DEPTOR: variants seen among roughly 807,000 people sequenced by gnomAD.
DEPTOR encodes the protein DEP domain containing MTOR interacting protein.
Under a neutral mutation model 41.6 loss-of-function variants are expected in DEPTOR, and 41 were observed. That is an observed-to-expected ratio of 0.98 (90% CI 0.77 to 1.28). DEPTOR has a LOEUF of 1.28. Among genes scored for constraint, DEPTOR ranks in the 50% most tolerant of loss-of-function variants. The probability of loss-of-function intolerance (pLI) is 0.00; values close to 1 mark genes in which losing one functional copy is unlikely to be tolerated. For missense variants in DEPTOR, 514 were observed against 527.9 expected (o/e 0.97, Z 0.26); for synonymous variants, 195 against 192.3 (o/e 1.01, Z -0.12).
At chr8:120,015,743 C>T (rs1208024390) in intron 8 of DEPTOR, among the ~76,000 whole-genome samples, 1 of 152,132 alleles carries the variant, frequency 6.6e-6, no homozygotes, top group African/African-American at 2.4e-5. Flanking sequence ...ACCCCAGGTG[C>T]CATGGATACC....
At chr8:119,906,982 T>C (rs1827671761) in intron 1 of DEPTOR, among the ~76,000 whole-genome samples, 1 of 152,160 alleles carries the variant, frequency 6.6e-6, no homozygotes, top group Non-Finnish European at 1.5e-5. Flanking sequence ...GAAAGGACTG[T>C]CAACATGGTA....
chr8:120,049,360 T>C (rs1011578562), intron 8 of DEPTOR, among the ~76,000 whole-genome samples: 2 of 151,286 alleles, frequency 1.3e-5, no homozygotes, highest in African/African-American at 2.5e-5. Context: ...AAGCCAAATT[T>C]TGTAAAACAC....
intron 1 of DEPTOR, among the ~76,000 whole-genome samples, chr8:119,918,953 GTGTGTGTGTGTGTA>G (rs1827854823): frequency 7.2e-6 from 1 of 139,778 alleles, no homozygotes. Context: ...GTGTGTGTGT[GTGTGTGTGTGTGTA>G]TGTGTATGTG....
At chr8:120,033,174 G>A (rs1361841387) in intron 8 of DEPTOR, among the ~76,000 whole-genome samples, 2 of 144,096 alleles carry the variant, frequency 1.4e-5, no homozygotes, top group African/African-American at 5.2e-5. Context: ...TGCAACCTCT[G>A]CCTCCCGGGT....
At chr8:120,009,883 T>C (rs1812503952) in intron 8 of DEPTOR, among the ~76,000 whole-genome samples, 1 of 152,176 alleles carries the variant, frequency 6.6e-6, no homozygotes, top group Admixed American at 6.5e-5. Flanking sequence ...GTTTTACATG[T>C]TTCCCCTCAA....
At chr8:120,011,332 C>T (rs541740849) in intron 8 of DEPTOR, among the ~76,000 whole-genome samples, 67 of 152,288 alleles carry the variant, frequency 4.4e-4, no homozygotes, top group Non-Finnish European at 6.9e-4. Context: ...GCCCTGCTTG[C>T]GAAGGCGGTG....
intron 1 of DEPTOR, among the ~76,000 whole-genome samples, chr8:119,911,311 C>CTTTTTT (rs147066045): frequency 2.8e-5 from 3 of 105,476 alleles, no homozygotes; most frequent in African/African-American, 4.2e-5. Flanking sequence ...TACACACATT[C>CTTTTTT]TTTTTTTTTT....
chr8:120,003,818 C>G (rs1232317071), intron 6 of DEPTOR, among the ~76,000 whole-genome samples: 1 of 152,180 alleles, frequency 6.6e-6, no homozygotes, highest in Non-Finnish European at 1.5e-5. Flanking sequence ...ATCCTTCCTC[C>G]ACCCAATCAG....
chr8:119,904,965 C>CTT (rs71304920), intron 1 of DEPTOR, among the ~76,000 whole-genome samples: 1,578 of 85,940 alleles, frequency 0.018, 38 homozygotes, highest in African/African-American at 0.034. Flanking sequence ...CTAATTTTTG[C>CTT]TTTTTTTTTT....
Position 119,970,917 on chromosome 8 carries a change from C to T in DEPTOR, c.604+5507C>T, listed in dbSNP as rs181996883. On this transcript the variant is annotated intron_variant, in intron 4 of 8. Transcript: ENST00000286234. ...CTCGGAGGGGCCAAGGGAAAACATC[C>T]CCTTTGCCATCTGAAGGTTGGCTGA... Among the ~76,000 whole-genome samples the T allele has an allele frequency of 1.5e-3, 227 of 152,238 alleles. 1 individual carries two copies. Among genetic ancestry groups the T allele is most frequent in the African/African-American group, 5.1e-3 (214 of 41,564 alleles).
chr8:119,978,106 C>T (rs1414361059), intron 4 of DEPTOR, among the ~76,000 whole-genome samples: 1 of 152,186 alleles, frequency 6.6e-6, no homozygotes, highest in African/African-American at 2.4e-5. Context: ...CCACCCCTGC[C>T]TCAGTCCTGA....
intron 3 of DEPTOR, among the ~76,000 whole-genome samples, chr8:119,950,584 C>CT (rs1176735173): frequency 1.1e-4 from 17 of 151,360 alleles, no homozygotes; most frequent in Non-Finnish European, 8.9e-5. Context: ...CCTTGCTAAT[C>CT]TTTTCTTTTC....
intron 8 of DEPTOR, 149 bp from the exon 9 acceptor site, chr8:120,049,427 T>G: frequency 2.1e-6 from 2 of 931,624 alleles, no homozygotes; most frequent in Non-Finnish European, 1.5e-6. Flanking sequence ...TGTAGCTCCT[T>G]GGAAATTATT....
chr8:119,998,705 G>A (rs1005607510), intron 4 of DEPTOR, among the ~76,000 whole-genome samples: 5 of 152,090 alleles, frequency 3.3e-5, no homozygotes, highest in African/African-American at 1.2e-4. Flanking sequence ...GATATAAATG[G>A]TATAGAATTG....
Position 120,046,469 on chromosome 8 carries a change from G to T in DEPTOR, c.1102-3107G>T, listed in dbSNP as rs1030852049. Reference sequence around the variant, plus strand: ...GCTCTTACACTCTATGGTCTATTCTGACTGGCATCTTTTACTTAGCATAAT... The same window carrying T: ...GCTCTTACACTCTATGGTCTATTCTTACTGGCATCTTTTACTTAGCATAAT... On this transcript the variant is annotated intron_variant, in intron 8 of 8. Transcript: ENST00000286234. 3.3e-5 allele frequency among the ~76,000 whole-genome samples: 5 copies of T among 150,882 alleles called. No individual in the cohort carries two copies. In the South Asian group the frequency reaches 1.0e-3, roughly 32 times the overall value.
intron 4 of DEPTOR, among the ~76,000 whole-genome samples, chr8:119,998,414 A>T (rs571705335): frequency 6.6e-6 from 1 of 152,262 alleles, no homozygotes; most frequent in African/African-American, 2.4e-5. Flanking sequence ...GTGTATTTCC[A>T]TATTGACTAA....
At chr8:119,998,964 A>T (rs1364479435) in intron 4 of DEPTOR, among the ~76,000 whole-genome samples, 1 of 151,174 alleles carries the variant, frequency 6.6e-6, no homozygotes, top group Non-Finnish European at 1.5e-5. Flanking sequence ...AAAAAAAAGA[A>T]GAAGAAGAAA....
intron 8 of DEPTOR, among the ~76,000 whole-genome samples, chr8:120,017,178 T>C (rs1203554955): frequency 1.3e-5 from 2 of 152,176 alleles, no homozygotes; most frequent in Non-Finnish European, 2.9e-5. Context: ...GCTCAGGAAA[T>C]ACACTTAGTG....
chr8:119,972,060 C>T (rs751951506), intron 4 of DEPTOR, among the ~76,000 whole-genome samples: 19 of 152,260 alleles, frequency 1.2e-4, no homozygotes, highest in Admixed American at 6.5e-4. Context: ...CCGGCCCTTC[C>T]GTATTGGGGC....
Sources: gnomAD v4.1 joint callset for allele counts (sites outside exome capture counted in the v4.1 genomes callset) on GRCh38, gnomAD v4.1.1 for gene constraint, MANE v1.5 for transcripts, NCBI Gene and HGNC (gene_info 2026-07-23, HGNC 2026-07-21) for gene names.